FCHSD2: variants seen among roughly 807,000 people sequenced by gnomAD.
The protein encoded by FCHSD2 is FCH and double SH3 domains 2, also known as F-BAR and double SH3 domains protein 2.
A neutral mutation model predicts 108.1 loss-of-function variants in FCHSD2; 38 were observed. That is an observed-to-expected ratio of 0.35 (90% confidence interval 0.27 to 0.46). The LOEUF (loss-of-function observed/expected upper bound fraction) is 0.46, where lower values mean the gene tolerates loss of function less well. FCHSD2 is among the 20% of genes least tolerant of loss of function. FCHSD2 has a pLI of 1.00. For synonymous variants in FCHSD2, 279 were observed against 314.7 expected (o/e 0.89, Z 1.20); for missense variants, 751 against 897.8 (o/e 0.84, Z 2.09).
intron 3 of FCHSD2, among the ~76,000 whole-genome samples, chr11:73,024,844 G>A (rs142620764): frequency 2.6e-5 from 4 of 151,952 alleles, no homozygotes; most frequent in East Asian, 1.9e-4. Flanking sequence ...ATGAACAGAC[G>A]CTTTTCAAAA....
chr11:72,909,226 G>A (rs1022313228), intron 9 of FCHSD2, among the ~76,000 whole-genome samples: 12 of 152,170 alleles, frequency 7.9e-5, no homozygotes, highest in Admixed American at 4.6e-4. Context: ...TGGTGGAGAC[G>A]GGGTTTCGCC....
intron 2 of FCHSD2, among the ~76,000 whole-genome samples, chr11:73,100,281 CA>C (rs1327081192): frequency 6.6e-6 from 1 of 152,174 alleles, no homozygotes; most frequent in African/African-American, 2.4e-5. Flanking sequence ...TTAACAACAA[CA>C]ATTAACAGAG....
At chr11:72,920,559 T>G (rs1855958954) in intron 9 of FCHSD2, among the ~76,000 whole-genome samples, 1 of 152,168 alleles carries the variant, frequency 6.6e-6, no homozygotes, top group East Asian at 1.9e-4. Context: ...GATCAACATG[T>G]TGAAACCTTG....
intron 8 of FCHSD2, among the ~76,000 whole-genome samples, chr11:72,954,678 T>C (rs1343895856): frequency 6.6e-6 from 1 of 152,012 alleles, no homozygotes. Context: ...AATCAAAGGC[T>C]GAGTAGGTAA....
intron 9 of FCHSD2, among the ~76,000 whole-genome samples, chr11:72,917,993 A>C (rs1855909175): frequency 6.6e-6 from 1 of 152,176 alleles, no homozygotes; most frequent in African/African-American, 2.4e-5. Flanking sequence ...ACTTTGGGGA[A>C]TATTACAATA....
chr11:73,123,679 T>C (rs182903177), intron 2 of FCHSD2, among the ~76,000 whole-genome samples: 8 of 152,366 alleles, frequency 5.3e-5, no homozygotes, highest in Admixed American at 3.3e-4. Context: ...ATCTTCTTAA[T>C]TGCATAACCA....
intron 3 of FCHSD2, among the ~76,000 whole-genome samples, chr11:73,070,871 G>A (rs1859420551): frequency 6.6e-6 from 1 of 152,108 alleles, no homozygotes; most frequent in African/African-American, 2.4e-5. Context: ...AAAGCAGTCT[G>A]CTGGAAGTGA....
chr11:72,849,620 T>A (rs1158447665), intron 14 of FCHSD2, 135 bp downstream of exon 14: 2 of 698,798 alleles, frequency 2.9e-6, no homozygotes, highest in Non-Finnish European at 4.9e-6. Flanking sequence ...CTCATCACCA[T>A]TCTGTTATGT....
At chr11:73,042,878 G>A (rs1858674313) in intron 3 of FCHSD2, among the ~76,000 whole-genome samples, 1 of 151,974 alleles carries the variant, frequency 6.6e-6, no homozygotes. Flanking sequence ...ATATAGAAAT[G>A]CTACTGATTT....
chr11:72,893,033 C>T (rs1855349780), intron 10 of FCHSD2, among the ~76,000 whole-genome samples: 1 of 152,034 alleles, frequency 6.6e-6, no homozygotes, highest in African/African-American at 2.4e-5. Context: ...GAGTTTCACT[C>T]TGTCACCCAG....
At chr11:72,879,378 T>C (rs902005019) in intron 12 of FCHSD2, among the ~76,000 whole-genome samples, 4 of 152,124 alleles carry the variant, frequency 2.6e-5, no homozygotes, top group African/African-American at 9.7e-5. Context: ...TCACTATGTC[T>C]AGATTCAGTA....
intron 10 of FCHSD2, among the ~76,000 whole-genome samples, chr11:72,891,211 GA>G (rs1565308607): frequency 6.6e-6 from 1 of 152,198 alleles, no homozygotes; most frequent in Admixed American, 6.5e-5. Context: ...AAATTAGAGG[GA>G]TGAGCCAGTA....
intron 12 of FCHSD2, among the ~76,000 whole-genome samples, chr11:72,884,569 A>G (rs1435349677): frequency 6.8e-6 from 1 of 146,736 alleles, no homozygotes; most frequent in Non-Finnish European, 1.5e-5. Context: ...ATATATGATG[A>G]TATATATAAA....
At chr11:72,955,101 G>C (rs1856688109) in intron 8 of FCHSD2, among the ~76,000 whole-genome samples, 1 of 152,066 alleles carries the variant, frequency 6.6e-6, no homozygotes, top group Non-Finnish European at 1.5e-5. Context: ...GAGAGCGTCA[G>C]GTCTCACAGA....
intron 3 of FCHSD2, among the ~76,000 whole-genome samples, chr11:73,025,952 T>C (rs561812960): frequency 6.6e-6 from 1 of 152,254 alleles, no homozygotes; most frequent in East Asian, 1.9e-4. Context: ...AAAACACAGA[T>C]ATGCTCCATG....
At chr11:73,087,616 A>G (rs1420421028) in intron 2 of FCHSD2, among the ~76,000 whole-genome samples, 1 of 151,874 alleles carries the variant, frequency 6.6e-6, no homozygotes, top group Non-Finnish European at 1.5e-5. Context: ...GAGGCAGGAG[A>G]ATTGCTTGAA....
chr11:73,110,952 T>C (rs1252718489), intron 2 of FCHSD2, among the ~76,000 whole-genome samples: 3 of 152,224 alleles, frequency 2.0e-5, no homozygotes. Context: ...GAGCACATTG[T>C]TTAATTTCCA....
At chr11:72,861,404 A>G (rs918393662) in intron 13 of FCHSD2, among the ~76,000 whole-genome samples, 11 of 152,074 alleles carry the variant, frequency 7.2e-5, no homozygotes, top group African/African-American at 2.7e-4. Flanking sequence ...CCAAAAAAAA[A>G]AAAAAACTCC....
At chr11:72,948,162 C>A (rs1835644) in intron 8 of FCHSD2, among the ~76,000 whole-genome samples, 2 of 152,068 alleles carry the variant, frequency 1.3e-5, no homozygotes, top group Non-Finnish European at 2.9e-5. Context: ...CATGTGCCAC[C>A]AGACCTGGCA....
Sources: gnomAD v4.1 joint callset for allele counts (sites outside exome capture counted in the v4.1 genomes callset) on GRCh38, gnomAD v4.1.1 for gene constraint, MANE v1.5 for transcripts, NCBI Gene and HGNC (gene_info 2026-07-23, HGNC 2026-07-21) for gene names.